TENM4: variants seen among roughly 807,000 people sequenced by gnomAD.
The protein encoded by TENM4 is teneurin transmembrane protein 4, also known as teneurin-4.
Under a neutral mutation model 243.3 loss-of-function variants are expected in TENM4, and 82 were observed. The ratio of observed to expected loss-of-function variants is 0.34; its 90% CI spans 0.28 to 0.40. TENM4 has a LOEUF of 0.40. Among genes scored for constraint, TENM4 ranks in the 10% least tolerant of loss-of-function variants. The pLI is 1.00. For synonymous variants in TENM4, 1,412 were observed against 1,456.3 expected (o/e 0.97, Z 0.69); for missense variants, 3,138 against 3,673.3 (o/e 0.85, Z 3.77).
intron 10 of TENM4, among the ~76,000 whole-genome samples, chr11:78,857,233 G>T (rs1032188406): frequency 6.6e-6 from 1 of 152,162 alleles, no homozygotes; most frequent in South Asian, 2.1e-4. Context: ...TGTTATGAAG[G>T]ACTTCCTGGG....
At chr11:78,717,568 A>C (rs1048336045) in intron 25 of TENM4, among the ~76,000 whole-genome samples, 1 of 152,238 alleles carries the variant, frequency 6.6e-6, no homozygotes, top group African/African-American at 2.4e-5. Context: ...CACCTATTTC[A>C]AAGGATTATT....
At chr11:78,974,072 C>T (rs2136590093) in intron 6 of TENM4, among the ~76,000 whole-genome samples, 1 of 152,196 alleles carries the variant, frequency 6.6e-6, no homozygotes, top group East Asian at 1.9e-4. Context: ...GAGACATTGT[C>T]AGGGGCCAGG....
At chr11:79,311,096 G>A (rs1856714034) in intron 1 of TENM4, among the ~76,000 whole-genome samples, 1 of 152,126 alleles carries the variant, frequency 6.6e-6, no homozygotes, top group African/African-American at 2.4e-5. Flanking sequence ...ACGGGTCTTG[G>A]CGAATGTCGT....
chr11:78,675,403 T>C (rs971456699), intron 30 of TENM4, among the ~76,000 whole-genome samples: 1 of 152,198 alleles, frequency 6.6e-6, no homozygotes, highest in Non-Finnish European at 1.5e-5. Context: ...TGAGCACCCA[T>C]GGTGTGCAAG....
intron 18 of TENM4, among the ~76,000 whole-genome samples, chr11:78,768,980 G>A (rs1003703158): frequency 6.6e-6 from 1 of 152,196 alleles, no homozygotes; most frequent in Admixed American, 6.5e-5. Flanking sequence ...ACCTACGCTT[G>A]TATGTATACC....
chr11:79,151,052 T>G (rs1382864062), intron 3 of TENM4, among the ~76,000 whole-genome samples: 1 of 152,158 alleles, frequency 6.6e-6, no homozygotes, highest in Non-Finnish European at 1.5e-5. Flanking sequence ...AATCATAGCC[T>G]GTGCTCTCAG....
intron 6 of TENM4, among the ~76,000 whole-genome samples, chr11:78,988,716 C>T (rs1424466876): frequency 6.6e-6 from 1 of 152,224 alleles, no homozygotes; most frequent in Non-Finnish European, 1.5e-5. Context: ...GTCCTGTCAC[C>T]TAGGCTAGAC....
chr11:79,094,606 C>T lies in TENM4; in HGVS notation c.-65-24597G>A, dbSNP rs567838355. Among the ~76,000 whole-genome samples the T allele has an allele frequency of 4.6e-5, 7 of 152,284 alleles. No individual in the cohort carries two copies. The East Asian group carries it at 1.4e-3, about 29-fold the overall frequency. On this transcript the variant is annotated intron_variant, in intron 4 of 33. Transcript: ENST00000278550. ...GGGTGGGGGATATTGTCCACACAGG[C>T]CCAGAGAGAGGTAGTCCTCCCTTCA...
chr11:79,293,788 G>T (rs988182514), intron 2 of TENM4, among the ~76,000 whole-genome samples: 2 of 152,172 alleles, frequency 1.3e-5, no homozygotes, highest in African/African-American at 4.8e-5. Flanking sequence ...TTTGGACCCC[G>T]TTCTGAGCCA....
chr11:79,128,860 A>G (rs946135553), intron 4 of TENM4, among the ~76,000 whole-genome samples: 7 of 152,190 alleles, frequency 4.6e-5, no homozygotes, highest in African/African-American at 1.7e-4. Flanking sequence ...GCATGATTGG[A>G]AAATTGGTGA....
rs147159310 is a variant in TENM4, at chr11:79,018,125, A to G, written c.493+46613T>C. On this transcript the variant is annotated intron_variant, in intron 6 of 33. Coordinates refer to ENST00000278550, the MANE Select transcript of TENM4 (RefSeq NM_001098816.3). ...ATCTGAAATAAAATCTTGTTGCCCA[A>G]CTGAATGCAAGGACCTCTTAATCCT... Among the ~76,000 whole-genome samples, 748 of 152,238 alleles carry G rather than the reference A, an allele frequency of 4.9e-3. 5 individuals are homozygous for G. The highest frequency in any genetic ancestry group is 0.014 in the Middle Eastern group (4 of 294).
intron 1 of TENM4, among the ~76,000 whole-genome samples, chr11:79,367,012 A>G (rs1157327227): frequency 6.6e-6 from 1 of 152,228 alleles, no homozygotes; most frequent in African/African-American, 2.4e-5. Context: ...GGTATCATTT[A>G]CATATCTTGG....
At chr11:79,295,849 C>T (rs894444089) in intron 2 of TENM4, among the ~76,000 whole-genome samples, 1 of 89,468 alleles carries the variant, frequency 1.1e-5, no homozygotes, top group Non-Finnish European at 2.2e-5. Context: ...AAAAATTACA[C>T]CCGTAAGTGT....
chr11:78,939,212 A>G (rs1420220828), intron 6 of TENM4, among the ~76,000 whole-genome samples: 1 of 152,150 alleles, frequency 6.6e-6, no homozygotes, highest in Non-Finnish European at 1.5e-5. Flanking sequence ...CCCGAGGAAC[A>G]CTTCTCTCTC....
intron 28 of TENM4, among the ~76,000 whole-genome samples, chr11:78,693,905 C>G (rs1043789907): frequency 3.9e-5 from 6 of 152,068 alleles, no homozygotes; most frequent in Non-Finnish European, 8.8e-5. Flanking sequence ...ATCCCAGCTA[C>G]TCGGGAGGCT....
intron 6 of TENM4, chr11:78,924,571 A>T (rs1256270083): frequency 6.6e-6 from 1 of 152,226 alleles, no homozygotes; most frequent in Admixed American, 6.5e-5. Context: ...ATTACACTGT[A>T]TTAGACTGTA....
chr11:79,038,434 T>C (rs1291974903), intron 6 of TENM4, among the ~76,000 whole-genome samples: 1 of 152,228 alleles, frequency 6.6e-6, no homozygotes, highest in East Asian at 1.9e-4. Context: ...TCTTACCTTC[T>C]TCATCTACCA....
chr11:78,830,784 G>A (rs1857963525), intron 12 of TENM4, among the ~76,000 whole-genome samples: 1 of 152,132 alleles, frequency 6.6e-6, no homozygotes, highest in African/African-American at 2.4e-5. Flanking sequence ...AGAGACTCCG[G>A]GCAGGAATAC....
At chr11:78,864,824 C>G (rs999287164) in intron 9 of TENM4, among the ~76,000 whole-genome samples, 2 of 152,130 alleles carry the variant, frequency 1.3e-5, no homozygotes, top group Non-Finnish European at 2.9e-5. Flanking sequence ...TTCTGGAGAG[C>G]CAGAATGAAA....
Sources: gnomAD v4.1 joint callset for allele counts (sites outside exome capture counted in the v4.1 genomes callset) on GRCh38, gnomAD v4.1.1 for gene constraint, MANE v1.5 for transcripts, NCBI Gene and HGNC (gene_info 2026-07-23, HGNC 2026-07-21) for gene names.